Variants in ULK4 observed in about 807,000 individuals in gnomAD.
ULK4 encodes unc-51 like kinase 4.
A neutral mutation model predicts 160.6 loss-of-function variants in ULK4; 133 were observed. The ratio of observed to expected loss-of-function variants is 0.83; its 90% confidence interval spans 0.72 to 0.96. The LOEUF is 0.96. ULK4 is among the 40% of genes least tolerant of loss of function. ULK4 has a pLI of 0.00. For missense variants in ULK4, 1,580 were observed against 1,499.5 expected (o/e 1.05, Z -0.89); for synonymous variants, 534 against 539.8 (o/e 0.99, Z 0.15).
At chr3:41,837,549 C>T (rs2041794554) in intron 17 of ULK4, among the ~76,000 whole-genome samples, 1 of 150,790 alleles carries the variant, frequency 6.6e-6, no homozygotes, top group South Asian at 2.1e-4. Context: ...ATCCATGTTG[C>T]TGCATATATC....
intron 20 of ULK4, among the ~76,000 whole-genome samples, chr3:41,798,978 G>A (rs932175742): frequency 3.3e-5 from 5 of 152,156 alleles, no homozygotes; most frequent in African/African-American, 1.2e-4. Context: ...GGACAGATGT[G>A]CAGGTAAATA....
chr3:41,456,256 C>G (rs13100481), intron 33 of ULK4, among the ~76,000 whole-genome samples: 37,806 of 152,040 alleles, frequency 0.25, 4,894 homozygotes, highest in East Asian at 0.54. Flanking sequence ...CTGAAGAAAA[C>G]TGAACTTTAG....
At chr3:41,794,360 C>A (rs78316125) in intron 20 of ULK4, among the ~76,000 whole-genome samples, 4,602 of 152,146 alleles carry the variant, frequency 0.03, 238 homozygotes, top group African/African-American at 0.11. Flanking sequence ...GGAACTTACA[C>A]TAATGAGAAA....
At chr3:41,492,955 T>A (rs1015527253) in intron 32 of ULK4, among the ~76,000 whole-genome samples, 2 of 143,460 alleles carry the variant, frequency 1.4e-5, no homozygotes, top group African/African-American at 5.2e-5. Flanking sequence ...ACAAAGAGAC[T>A]TAGACTCCCA....
intron 17 of ULK4, among the ~76,000 whole-genome samples, chr3:41,883,414 C>T (rs1697592722): frequency 6.6e-6 from 1 of 152,152 alleles, no homozygotes. Flanking sequence ...TCTCCCAGTT[C>T]AAGGGATAAA....
intron 35 of ULK4, among the ~76,000 whole-genome samples, chr3:41,305,805 A>G (rs1260277422): frequency 7.0e-6 from 1 of 142,684 alleles, no homozygotes; most frequent in African/African-American, 2.7e-5. Context: ...CATCACATCT[A>G]GGAAGTGAGG....
At chr3:41,277,257 A>C (rs1575385378) in intron 35 of ULK4, among the ~76,000 whole-genome samples, 1 of 152,362 alleles carries the variant, frequency 6.6e-6, no homozygotes, top group East Asian at 1.9e-4. Context: ...CTATGAAGCC[A>C]GCATCACCCT....
At chr3:41,532,550 T>C (rs574653572) in intron 32 of ULK4, among the ~76,000 whole-genome samples, 4 of 152,188 alleles carry the variant, frequency 2.6e-5, no homozygotes, top group Admixed American at 6.5e-5. Context: ...CATTGCTGTA[T>C]TCTTTGCACA....
chr3:41,938,090 T>C lies in ULK4; in HGVS notation c.238+8A>G. 3.1e-6 allele frequency: 5 copies of C among 1,598,384 alleles called. No individual in the cohort carries two copies. The highest frequency in any genetic ancestry group is 3.4e-6 in the Non-Finnish European group (4 of 1,171,640). On this transcript the variant is annotated splice_region_variant and intron_variant, in intron 3 of 36. Coordinates refer to ENST00000301831, the MANE Select transcript of ULK4 (RefSeq NM_017886.4). ...TATTCATAGCACTTTTTACATACTC[T>C]TTCTTACCTGTGCAGAGTTCCACCA...
intron 34 of ULK4, among the ~76,000 whole-genome samples, chr3:41,426,425 A>G (rs1207981417): frequency 6.6e-6 from 1 of 152,218 alleles, no homozygotes; most frequent in African/African-American, 2.4e-5. Flanking sequence ...AATGGATTTG[A>G]CAGATATCTA....
chr3:41,487,383 A>AT (rs1316901657), intron 32 of ULK4, among the ~76,000 whole-genome samples: 1 of 152,314 alleles, frequency 6.6e-6, no homozygotes, highest in East Asian at 1.9e-4. Context: ...AGATAAATGC[A>AT]TAAGAACGGT....
At chr3:41,781,416 T>TA (rs57995352) in intron 21 of ULK4, among the ~76,000 whole-genome samples, 2,004 of 135,124 alleles carry the variant, frequency 0.015, 33 homozygotes, top group Admixed American at 0.052. Flanking sequence ...GACTCCATCT[T>TA]AAAAAAAAAA....
At chr3:41,716,346 T>C (rs758541995) in intron 23 of ULK4, among the ~76,000 whole-genome samples, 4 of 151,950 alleles carry the variant, frequency 2.6e-5, no homozygotes, top group South Asian at 4.2e-4. Flanking sequence ...AAACTTCTCA[T>C]TGGATGATAA....
At chr3:41,719,609 T>A (rs145280296) in intron 22 of ULK4, among the ~76,000 whole-genome samples, 128 of 152,192 alleles carry the variant, frequency 8.4e-4, no homozygotes, top group African/African-American at 2.9e-3. Context: ...ATTAAGTCAA[T>A]CACTAAATAT....
chr3:41,942,515 T>C (rs1699989511), intron 2 of ULK4, among the ~76,000 whole-genome samples: 1 of 149,080 alleles, frequency 6.7e-6, no homozygotes. Context: ...TAAGACTTCA[T>C]CTCAAAAAAA....
At chr3:41,481,826 CAAAAAAAAA>C (rs71616009) in intron 32 of ULK4, among the ~76,000 whole-genome samples, 1 of 66,866 alleles carries the variant, frequency 1.5e-5, no homozygotes, top group African/African-American at 4.6e-5. Flanking sequence ...GACTCCGTCT[CAAAAAAAAA>C]AAAAAAAAAA....
intron 31 of ULK4, among the ~76,000 whole-genome samples, chr3:41,590,120 A>C (rs913511316): frequency 4.0e-5 from 6 of 151,680 alleles, no homozygotes; most frequent in Non-Finnish European, 8.8e-5. Flanking sequence ...CTCCTGCCTC[A>C]GCCACCCAAG....
rs115858755 is a variant in ULK4, at chr3:41,711,253, G to A, written c.2634+3984C>T. On this transcript the variant is annotated intron_variant, in intron 25 of 36. Coordinates refer to ENST00000301831, the MANE Select transcript of ULK4 (RefSeq NM_017886.4). ...ATCTGCAGATGACCACAACACAGGG[G>A]GTGACACAATATCTTCTCATGGTGC... 7.0e-3 allele frequency among the ~76,000 whole-genome samples: 1,070 copies of A among 152,280 alleles called. 10 individuals are homozygous for A. Among genetic ancestry groups the A allele is most frequent in the African/African-American group, 0.025 (1,036 of 41,540 alleles).
chr3:41,288,241 C>T (rs1195899648), intron 35 of ULK4, among the ~76,000 whole-genome samples: 1 of 152,178 alleles, frequency 6.6e-6, no homozygotes, highest in Non-Finnish European at 1.5e-5. Context: ...CCCACTTCCC[C>T]TTCCTCACAG....
Sources: gnomAD v4.1 joint callset for allele counts (sites outside exome capture counted in the v4.1 genomes callset) on GRCh38, gnomAD v4.1.1 for gene constraint, MANE v1.5 for transcripts, NCBI Gene and HGNC (gene_info 2026-07-23, HGNC 2026-07-21) for gene names.